SIPA1L3: variants seen among roughly 807,000 people sequenced by gnomAD.
SIPA1L3 encodes signal induced proliferation associated 1 like 3, also known as signal-induced proliferation-associated 1-like protein 3.
In SIPA1L3, 59 loss-of-function variants were observed where a neutral mutation model predicts 150.1. That is an observed-to-expected ratio of 0.39 (90% confidence interval 0.32 to 0.49). SIPA1L3 has a LOEUF of 0.49. SIPA1L3 is among the 20% of genes least tolerant of loss of function. SIPA1L3 has a pLI of 0.86. For synonymous variants in SIPA1L3, 1,070 were observed against 1,077.6 expected, an observed-to-expected ratio of 0.99 and a Z score of 0.14; for missense variants, 2,211 against 2,489.5, an observed-to-expected ratio of 0.89 and a Z score of 2.38.
At chr19:38,171,050 T>G (rs375136370) in intron 15 of SIPA1L3, among the ~76,000 whole-genome samples, 26 of 152,292 alleles carry the variant, frequency 1.7e-4, no homozygotes, top group East Asian at 1.2e-3. Context: ...TACACACATA[T>G]GTTTTTTTTT....
chr19:38,153,026 C>T (rs1971863103), intron 13 of SIPA1L3, 59 bp downstream of exon 13: 2 of 1,569,214 alleles, frequency 1.3e-6, no homozygotes, highest in Non-Finnish European at 8.6e-7. Context: ...GGACCTCTTA[C>T]TTAGAGCTTG....
intron 2 of SIPA1L3, among the ~76,000 whole-genome samples, chr19:38,063,997 G>A (rs142533064): frequency 9.2e-5 from 14 of 152,310 alleles, no homozygotes; most frequent in South Asian, 2.1e-4. Context: ...TCTCACCTGC[G>A]CTTTCAGGCC....
chr19:37,928,368 C>T (rs2046524868), intron 1 of SIPA1L3, among the ~76,000 whole-genome samples: 1 of 152,026 alleles, frequency 6.6e-6, no homozygotes, highest in Non-Finnish European at 1.5e-5. Context: ...GCCAGGAGTT[C>T]GAGGCCAGCC....
intron 1 of SIPA1L3, among the ~76,000 whole-genome samples, chr19:37,954,482 C>T (rs1351028642): frequency 2.0e-5 from 3 of 151,976 alleles, no homozygotes; most frequent in South Asian, 2.1e-4. Context: ...TGCACAACAG[C>T]GGGTGGGCAG....
rs530212627 is a variant in SIPA1L3, at chr19:37,944,251, C to T, written c.-379+36893C>T. ...TGAGATCGCACCACTGCACTCCAGC[C>T]TGGGTGACAGAGTGAGACTCCGTCT... On this transcript the variant is annotated intron_variant, in intron 1 of 21. Coordinates refer to ENST00000222345, the MANE Select transcript of SIPA1L3 (RefSeq NM_015073.3). 5.3e-5 allele frequency among the ~76,000 whole-genome samples: 8 copies of T among 151,200 alleles called. No individual in the cohort carries two copies. In the South Asian group the frequency reaches 1.3e-3, roughly 24 times the overall value.
chr19:38,152,922 G>A lies in SIPA1L3; in HGVS notation c.3616G>A (p.Gly1206Ser), dbSNP rs1437307234. Residue 1206 changes from glycine to serine, a missense_variant, in exon 13 of 22, where the codon GGC (glycine) becomes AGC (serine). Gly to Ser is a moderately conservative substitution (Grantham distance 56). Coordinates refer to ENST00000222345, the MANE Select transcript of SIPA1L3 (RefSeq NM_015073.3). ...GACGTCCAGCGGCGACTCCTCTTCC[G>A]GCGGCCTGACCAGCCAGGAGAGCAC... is the stretch of plus-strand genomic sequence containing the variant. Reference protein sequence around the residue: ...DGTSSGDSSSGGLTSQESTME... With the variant: ...DGTSSGDSSSSGLTSQESTME... 22 of 1,613,498 alleles carry A rather than the reference G, an allele frequency of 1.4e-5. No individual in the cohort carries two copies. The highest frequency in any genetic ancestry group is 8.3e-5 in the Admixed American group (5 of 59,924).
intron 2 of SIPA1L3, among the ~76,000 whole-genome samples, chr19:38,048,817 G>A (rs748305255): frequency 3.3e-5 from 5 of 152,158 alleles, no homozygotes; most frequent in Admixed American, 6.6e-5. Context: ...CAGGCTGGGC[G>A]CGGTGGCTCA....
intron 18 of SIPA1L3, among the ~76,000 whole-genome samples, chr19:38,194,186 A>G (rs1210176678): frequency 1.5e-5 from 2 of 130,320 alleles, no homozygotes; most frequent in Admixed American, 8.7e-5. Flanking sequence ...GACTGCTCCC[A>G]TGTTTGCCAC....
chr19:38,067,922 AT>A (rs1230073971), intron 2 of SIPA1L3, among the ~76,000 whole-genome samples: 18 of 151,926 alleles, frequency 1.2e-4, no homozygotes, highest in Admixed American at 3.3e-4. Flanking sequence ...GATTTCTAAG[AT>A]TTTCATCCAT....
At chr19:38,092,075 A>G (rs909983751) in intron 4 of SIPA1L3, among the ~76,000 whole-genome samples, 3 of 151,602 alleles carry the variant, frequency 2.0e-5, no homozygotes, top group South Asian at 2.1e-4. Context: ...AAAAAAAAAA[A>G]AAAAGAAAAT....
At chr19:38,130,283 G>A (rs943126025) in intron 9 of SIPA1L3, among the ~76,000 whole-genome samples, 4 of 152,220 alleles carry the variant, frequency 2.6e-5, no homozygotes, top group Non-Finnish European at 5.9e-5. Flanking sequence ...TAGAAGCCAC[G>A]GGGTCGCATA....
intron 14 of SIPA1L3, among the ~76,000 whole-genome samples, chr19:38,163,509 A>C (rs900491065): frequency 6.6e-6 from 1 of 151,630 alleles, no homozygotes; most frequent in Non-Finnish European, 1.5e-5. Context: ...AAAAAAAAAA[A>C]AACAGTCCAG....
In SIPA1L3 at chr19:38,162,384, C is replaced by T. The variant is rs1972112231; in HGVS notation, c.3780+13C>T. The T allele has an allele frequency of 1.3e-6, 2 of 1,599,908 alleles. No homozygotes were observed. Among genetic ancestry groups the T allele is most frequent in the South Asian group, 1.1e-5 (1 of 90,698 alleles). ...CAGGCATTCCAAAGTGAGTCTGGGC[C>T]CCACCCTGCCCTACCGGGGGAGCCA... On this transcript the variant is annotated intron_variant, in intron 14 of 21. Transcript: ENST00000222345.
intron 10 of SIPA1L3, among the ~76,000 whole-genome samples, chr19:38,134,495 T>G (rs1600116842): frequency 7.6e-6 from 1 of 132,028 alleles, no homozygotes; most frequent in Non-Finnish European, 1.6e-5. Context: ...GATCATGAGG[T>G]CAGGAGTTTG....
intron 1 of SIPA1L3, among the ~76,000 whole-genome samples, chr19:37,928,336 C>T (rs1055777736): frequency 2.0e-5 from 3 of 152,008 alleles, no homozygotes; most frequent in South Asian, 2.1e-4. Context: ...TCTGGGAGGC[C>T]GAGGCAGGTG....
intron 16 of SIPA1L3, among the ~76,000 whole-genome samples, chr19:38,189,126 T>C: frequency 6.6e-6 from 1 of 151,706 alleles, no homozygotes; most frequent in East Asian, 1.9e-4. Flanking sequence ...CACTTGCTCT[T>C]GCTCTTCAAG....
chr19:38,057,300 G>A (rs8108056), intron 2 of SIPA1L3, among the ~76,000 whole-genome samples: 8 of 150,132 alleles, frequency 5.3e-5, no homozygotes, highest in African/African-American at 7.4e-5. Context: ...GTATATATAT[G>A]TGTATATATG....
At chr19:38,139,626 G>A (rs1011736933) in intron 10 of SIPA1L3, among the ~76,000 whole-genome samples, 13 of 152,342 alleles carry the variant, frequency 8.5e-5, no homozygotes, top group African/African-American at 3.1e-4. Flanking sequence ...CAGCCATGGC[G>A]CTACCGAGGG....
Position 38,192,242 on chromosome 19 carries a change from A to G in SIPA1L3, c.4528A>G (p.Ile1510Val), listed in dbSNP as rs762900108. The change falls in exon 17 of 22, where the codon ATC (isoleucine) becomes GTC (valine). Residue 1510 changes from isoleucine (I) to valine (V), a missense_variant. Around this residue, in one of 5 missense-constraint regions of SIPA1L3, gnomAD observed 806 missense variants for 870.1 expected, o/e 0.93. Coordinates refer to ENST00000222345, the MANE Select transcript of SIPA1L3 (RefSeq NM_015073.3). ...RSPRKNYKSTIEDDLKKLIIM... is the reference protein window; with the variant it reads ...RSPRKNYKSTVEDDLKKLIIM... ...ACCACGGAAGAACTACAAATCCACC[A>G]TCGAGGATGACCTGAAGAAACTCAT... The G allele has an allele frequency of 1.2e-6, 2 of 1,613,704 alleles. No individual in the cohort carries two copies. The highest frequency in any genetic ancestry group is 2.2e-5 in the South Asian group (2 of 91,054).
Sources: gnomAD v4.1 joint callset for allele counts (sites outside exome capture counted in the v4.1 genomes callset) on GRCh38, gnomAD v4.1.1 for gene constraint, gnomAD v4.1.1 regional missense constraint, MANE v1.5 for transcripts, NCBI Gene and HGNC (gene_info 2026-07-23, HGNC 2026-07-21) for gene names.